The following LRRC31 variants were observed in gnomAD, a reference collection of about 807,000 sequenced individuals.
The protein encoded by LRRC31 is leucine rich repeat containing 31.
Under a neutral mutation model 46.7 loss-of-function variants are expected in LRRC31, and 35 were observed. The ratio of observed to expected loss-of-function variants is 0.75; its 90% CI spans 0.57 to 0.99. The LOEUF is 0.99. Among genes scored for constraint, LRRC31 ranks in the 50% least tolerant of loss-of-function variants. LRRC31 has a pLI of 0.00. For synonymous variants in LRRC31, 236 were observed against 235.1 expected (o/e 1.00, Z -0.03); for missense variants, 613 against 626.1 (o/e 0.98, Z 0.22).
intron 6 of LRRC31, chr3:169,853,716 A>T (rs1780858858): frequency 1.0e-6 from 1 of 983,954 alleles, no homozygotes; most frequent in African/African-American, 1.7e-5. Flanking sequence ...CATTTTCCCA[A>T]ATTGAGAGAT....
intron 8 of LRRC31, among the ~76,000 whole-genome samples, chr3:169,843,623 A>G (rs548410125): frequency 6.6e-6 from 1 of 152,360 alleles, no homozygotes; most frequent in African/African-American, 2.4e-5. Context: ...TCACATTTAT[A>G]TAAGCTTTTA....
intron 8 of LRRC31, among the ~76,000 whole-genome samples, chr3:169,847,669 C>T (rs1372645603): frequency 6.6e-6 from 1 of 152,192 alleles, no homozygotes; most frequent in Non-Finnish European, 1.5e-5. Context: ...AAGCCATCAG[C>T]AGTCTAGTAT....
intron 3 of LRRC31, 106 bp downstream of exon 3, chr3:169,860,455 T>G: frequency 2.6e-6 from 3 of 1,176,148 alleles, no homozygotes; most frequent in Non-Finnish European, 3.8e-6. Flanking sequence ...CTCGAACTCC[T>G]GAGCTCAGGC....
At chr3:169,843,275 C>G (rs1314287033) in intron 8 of LRRC31, among the ~76,000 whole-genome samples, 1 of 152,222 alleles carries the variant, frequency 6.6e-6, no homozygotes. Context: ...TAGTAGCTGA[C>G]AGCAGCCCCC....
rs916869425 is a variant in LRRC31, at chr3:169,860,642, G to A, written c.406C>T (p.Gln136Ter). ...FVGGTLLSIT[Q>*]QMHLVSKLKI... is the part of the protein sequence containing the mutation. Reference sequence around the variant, plus strand: ...AACTTGCTGACCAGATGCATTTGCTGAGTGATGGAAAGGAGGGTTCCACCT... The same window carrying A: ...AACTTGCTGACCAGATGCATTTGCTAAGTGATGGAAAGGAGGGTTCCACCT... The change falls in exon 3 of 9, where the codon CAG becomes TAG. Residue 136 changes from glutamine (Q) to a stop codon, truncating the protein, a stop_gained. Transcript: ENST00000316428. LOFTEE classifies it high-confidence loss of function. 3 of 1,614,060 alleles carry A rather than the reference G, an allele frequency of 1.9e-6. No homozygotes were observed. The highest frequency in any genetic ancestry group is 4.5e-5 in the East Asian group (2 of 44,894).
Position 169,861,703 on chromosome 3 carries a change from A to G in LRRC31, c.286T>C (p.Cys96Arg). The G allele has an allele frequency of 6.2e-7, 1 of 1,614,156 alleles. No homozygotes were observed. The change falls in exon 2 of 9, where the codon TGT becomes CGT. Residue 96 changes from cysteine to arginine, a missense_variant. Transcript: ENST00000316428. ...TTCATGTCCGCTGTTGTTAATCCAC[A>G]GTTATTCAAATCTAGACACTTGTTG... ...AVNKCLDLNN[C>R]GLTTADMKEM... is the part of the protein sequence containing the mutation.
Position 169,839,902 on chromosome 3 carries a change from C to G in LRRC31, c.*80G>C, listed in dbSNP as rs1182301506. On this transcript the variant is annotated 3_prime_UTR_variant, in exon 9 of 9. Coordinates refer to ENST00000316428, the MANE Select transcript of LRRC31 (RefSeq NM_024727.4). ...ATTAAATGGCCCAGAAGTTGAAATT[C>G]AGTTCATGACTCTGGAATTCGTTCA... 1 of 1,086,770 alleles carries G rather than the reference C, an allele frequency of 9.2e-7. No homozygotes were observed. Among genetic ancestry groups the G allele is most frequent in the Non-Finnish European group, 1.3e-6 (1 of 757,524 alleles). 67.3% of individuals were successfully genotyped at this position (1,086,770 alleles called of 1,614,324 possible).
intron 1 of LRRC31, among the ~76,000 whole-genome samples, chr3:169,865,199 G>A (rs1323700247): frequency 7.9e-5 from 12 of 151,538 alleles, no homozygotes; most frequent in African/African-American, 2.4e-4. Flanking sequence ...GCAGTGAGCC[G>A]AGATTGCGCC....
At chr3:169,861,630 G>T in intron 2 of LRRC31, 40 bp downstream of exon 2, 1 of 1,600,870 alleles carries the variant, frequency 6.2e-7, no homozygotes, top group Non-Finnish European at 8.5e-7. Flanking sequence ...TCAATGGAAA[G>T]GCCCTATCTT....
At chr3:169,849,579 C>T (rs931947150) in intron 7 of LRRC31, among the ~76,000 whole-genome samples, 1 of 152,164 alleles carries the variant, frequency 6.6e-6, no homozygotes. Flanking sequence ...GCTGAGATGG[C>T]ATAATCACTT....
chr3:169,851,699 CTGAG>C lies in LRRC31; in HGVS notation c.1075_1078del (p.Leu359AlafsTer9), dbSNP rs1780774964. The C allele has an allele frequency of 2.5e-6, 4 of 1,614,110 alleles. No homozygotes were observed. Among genetic ancestry groups the C allele is most frequent in the African/African-American group, 1.3e-5 (1 of 75,016 alleles). On this transcript the variant is annotated frameshift_variant, in exon 7 of 9. Coordinates refer to ENST00000316428, the MANE Select transcript of LRRC31 (RefSeq NM_024727.4). LOFTEE classifies it high-confidence loss of function. ...CAATGCTGGTAAAAATCGGAGCCTG[CTGAG>C]TAAGTTTTCAGAAGAACTGCCCATC... is the stretch of plus-strand genomic sequence containing the variant.
Position 169,848,306 on chromosome 3 carries a change from C to A in LRRC31, c.1160-19G>T. ...GCTTCAGCTAAAAGTGATAACAATACGAACAGCAGTAATTTAGGATTTCTT... is the reference window on the plus strand; with the variant it reads ...GCTTCAGCTAAAAGTGATAACAATAAGAACAGCAGTAATTTAGGATTTCTT... On this transcript the variant is annotated intron_variant, in intron 7 of 8. Transcript: ENST00000316428. 6.2e-7 allele frequency: 1 copy of A among 1,606,960 alleles called. No homozygotes were observed.
At chr3:169,847,249 G>A (rs1228571726) in intron 8 of LRRC31, among the ~76,000 whole-genome samples, 4 of 152,190 alleles carry the variant, frequency 2.6e-5, no homozygotes, top group South Asian at 2.1e-4. Context: ...GCAGTGGCAC[G>A]ATCTCAGCTC....
At position 169,840,114 on chromosome 3, in the gene LRRC31, C is replaced by T. The variant is rs1780401616; in HGVS notation, c.1527G>A (p.Val509=). 1 of 1,614,080 alleles carries T rather than the reference C, an allele frequency of 6.2e-7. No homozygotes were observed. The highest frequency in any genetic ancestry group is 2.2e-5 in the East Asian group (1 of 44,884). ...GQWFRHLLYA[V]TKLPQITEIG... is the part of the protein sequence containing the mutation. ...TCTCAGTGATCTGAGGAAGCTTGGT[C>T]ACAGCATATAACAAGTGTCTAAACC... is the stretch of plus-strand genomic sequence containing the variant. Residue 509 remains valine (V), a synonymous_variant, in exon 9 of 9, where the codon GTG becomes GTA. Coordinates refer to ENST00000316428, the MANE Select transcript of LRRC31 (RefSeq NM_024727.4).
intron 8 of LRRC31, among the ~76,000 whole-genome samples, chr3:169,842,475 C>T (rs573030682): frequency 1.3e-5 from 2 of 152,218 alleles, no homozygotes; most frequent in Non-Finnish European, 2.9e-5. Context: ...CTCAGCCTCT[C>T]GAGTAGCTGG....
At chr3:169,849,737 G>GAAC (rs367710765) in intron 7 of LRRC31, among the ~76,000 whole-genome samples, 12 of 152,326 alleles carry the variant, frequency 7.9e-5, no homozygotes, top group African/African-American at 2.9e-4. Context: ...CTGGGGGTTA[G>GAAC]TCATCTAGCT....
intron 8 of LRRC31, among the ~76,000 whole-genome samples, chr3:169,842,117 A>C (rs1366288781): frequency 3.9e-5 from 6 of 152,026 alleles, no homozygotes; most frequent in Non-Finnish European, 8.8e-5. Flanking sequence ...TGAGCACCCT[A>C]TTTTATTATA....
intron 5 of LRRC31, among the ~76,000 whole-genome samples, chr3:169,855,275 G>A (rs191699293): frequency 8.5e-5 from 13 of 152,168 alleles, no homozygotes; most frequent in African/African-American, 3.1e-4. Flanking sequence ...CTGACATATC[G>A]CAAGGTGGTA....
Position 169,848,298 on chromosome 3 carries a change from TAAC to T in LRRC31, c.1160-14_1160-12del, listed in dbSNP as rs956990775. 7 of 1,612,374 alleles carry T rather than the reference TAAC, an allele frequency of 4.3e-6. No individual in the cohort carries two copies. Among genetic ancestry groups the T allele is most frequent in the African/African-American group, 1.3e-5 (1 of 74,996 alleles). Reference sequence around the variant, plus strand: ...GAACAGAGGCTTCAGCTAAAAGTGATAACAATACGAACAGCAGTAATTTAGGAT... The same window carrying T: ...GAACAGAGGCTTCAGCTAAAAGTGATAATACGAACAGCAGTAATTTAGGAT... On this transcript the variant is annotated splice_polypyrimidine_tract_variant and intron_variant, in intron 7 of 8. Transcript: ENST00000316428.
Sources: gnomAD v4.1 joint callset for allele counts (sites outside exome capture counted in the v4.1 genomes callset) on GRCh38, gnomAD v4.1.1 for gene constraint, MANE v1.5 for transcripts, NCBI Gene and HGNC (gene_info 2026-07-23, HGNC 2026-07-21) for gene names.